Variants in OPA1 observed in about 807,000 individuals in gnomAD.
OPA1 encodes OPA1 mitochondrial dynamin like GTPase.
In OPA1, 59 loss-of-function variants were observed where a neutral mutation model predicts 152.9. That is an observed-to-expected ratio of 0.39 (90% CI 0.31 to 0.48). The LOEUF (loss-of-function observed/expected upper bound fraction) is 0.48. Among genes scored for constraint, OPA1 ranks in the 20% least tolerant of loss-of-function variants. The probability of loss-of-function intolerance (pLI) is 0.96; values close to 1 mark genes in which losing one functional copy is unlikely to be tolerated. For synonymous variants in OPA1, 400 were observed against 389.9 expected, an observed-to-expected ratio of 1.03 and a Z score of -0.31; for missense variants, 1,008 against 1,216.8, an observed-to-expected ratio of 0.83 and a Z score of 2.55.
chr3:193,659,092 A>T, intron 24 of OPA1, 97 bp downstream of exon 24: 2 of 891,378 alleles, frequency 2.2e-6, no homozygotes, highest in Non-Finnish European at 3.7e-6. Context: ...GAACATTTCA[A>T]AGTCTTTGTC....
Position 193,647,824 on chromosome 3 carries a change from A to G in OPA1, c.1871-246A>G, listed in dbSNP as rs183651073. The stretch of plus-strand genomic sequence containing the variant: ...CAGAGTCCATTCTCTCAGCAGCTCT[A>G]TGGTACTAAACTACTTCAGCTGTGT... On this transcript the variant is annotated intron_variant, in intron 19 of 30. Coordinates refer to ENST00000361510, the MANE Select transcript of OPA1 (RefSeq NM_130837.3). Among the ~76,000 whole-genome samples, 343 of 152,278 alleles carry G rather than the reference A, an allele frequency of 2.3e-3. 1 individual carries two copies. The highest frequency in any genetic ancestry group is 7.6e-3 in the African/African-American group (317 of 41,552).
chr3:193,688,048 G>C (rs558039480), intron 29 of OPA1, among the ~76,000 whole-genome samples: 24 of 152,156 alleles, frequency 1.6e-4, no homozygotes, highest in Admixed American at 3.9e-4. Context: ...CTTGCCTCCT[G>C]TTCCCAGGCT....
chr3:193,621,930 A>G (rs1730160940), intron 6 of OPA1, among the ~76,000 whole-genome samples: 1 of 152,186 alleles, frequency 6.6e-6, no homozygotes, highest in African/African-American at 2.4e-5. Context: ...AAGACCACTT[A>G]GTTCATTCCC....
At chr3:193,604,860 CAA>C (rs55904490) in intron 1 of OPA1, among the ~76,000 whole-genome samples, 25,601 of 104,384 alleles carry the variant, frequency 0.25, 2,839 homozygotes, top group Non-Finnish European at 0.31. Flanking sequence ...AACTCCATCT[CAA>C]AAAAAAAAAA....
chr3:193,662,793 AAC>A, intron 25 of OPA1, 27 bp from the exon 26 acceptor site: 3 of 1,604,388 alleles, frequency 1.9e-6, no homozygotes, highest in Middle Eastern at 1.7e-4. Context: ...GAACCATCTA[AAC>A]ACAGTCCTTT....
At chr3:193,650,034 C>T (rs1179808070) in intron 21 of OPA1, among the ~76,000 whole-genome samples, 1 of 152,092 alleles carries the variant, frequency 6.6e-6, no homozygotes, top group African/African-American at 2.4e-5. Flanking sequence ...ACTAATAATG[C>T]TGTTTATGGG....
intron 29 of OPA1, among the ~76,000 whole-genome samples, chr3:193,672,335 AGT>A (rs1718114236): frequency 6.6e-6 from 1 of 152,174 alleles, no homozygotes; most frequent in Non-Finnish European, 1.5e-5. Flanking sequence ...AATTGGTAGT[AGT>A]GTTTGCTGCT....
chr3:193,667,440 ATGG>A, intron 29 of OPA1, 160 bp downstream of exon 29: 1 of 669,262 alleles, frequency 1.5e-6, no homozygotes, highest in Non-Finnish European at 2.8e-6. Flanking sequence ...GGAGGCCAAG[ATGG>A]GTGGAAAACA....
Position 193,667,487 on chromosome 3 carries a change from A to G in OPA1, c.2983+207A>G, listed in dbSNP as rs13070610. 263,697 of 565,146 alleles carry G rather than the reference A, an allele frequency of 0.47. 62,683 individuals carry two copies. The highest frequency in any genetic ancestry group is 0.56 in the African/African-American group (29,848 of 53,134). The allele number at this position is 565,146 out of a possible 1,614,324, so 35.0% of individuals were successfully genotyped here. A position where few individuals can be genotyped will look rare whatever the true frequency, so the allele number is the denominator to read the frequency against. ...AGATCAAGACCATCCTGGCTAACAC[A>G]GTGAAACCCCGTCTCTACTAAAAAT... On this transcript the variant is annotated intron_variant, in intron 29 of 30. Transcript: ENST00000361510.
intron 29 of OPA1, among the ~76,000 whole-genome samples, chr3:193,674,892 T>G (rs1718644725): frequency 6.6e-6 from 1 of 152,140 alleles, no homozygotes; most frequent in African/African-American, 2.4e-5. Context: ...TTAAAACTGT[T>G]TGCGGAGGTG....
intron 16 of OPA1, 28 bp downstream of exon 16, chr3:193,644,133 T>C: frequency 1.9e-6 from 3 of 1,612,180 alleles, no homozygotes; most frequent in Non-Finnish European, 2.5e-6. Context: ...GTTGCGAGAA[T>C]AGATTCTTTG....
chr3:193,647,227 A>G (rs376485291), intron 19 of OPA1, 47 bp downstream of exon 19: 31 of 1,224,102 alleles, frequency 2.5e-5, no homozygotes, highest in Non-Finnish European at 2.7e-5. Flanking sequence ...ACATTTTATT[A>G]GCTGGCAATC....
intron 29 of OPA1, among the ~76,000 whole-genome samples, chr3:193,689,586 T>C (rs1177739816): frequency 1.3e-5 from 2 of 152,192 alleles, no homozygotes; most frequent in African/African-American, 4.8e-5. Flanking sequence ...TGCATCAGGG[T>C]GGCTCTTGGT....
intron 1 of OPA1, among the ~76,000 whole-genome samples, chr3:193,604,472 G>A (rs1177699694): frequency 2.6e-5 from 4 of 152,154 alleles, no homozygotes; most frequent in African/African-American, 9.7e-5. Context: ...GTTGCAGGTC[G>A]AGGAAAACTT....
chr3:193,602,327 G>T (rs555536271), intron 1 of OPA1, among the ~76,000 whole-genome samples: 3 of 152,320 alleles, frequency 2.0e-5, no homozygotes, highest in East Asian at 3.9e-4. Context: ...ATCCAACGAG[G>T]TTCAAGAGTG....
intron 1 of OPA1, among the ~76,000 whole-genome samples, chr3:193,607,479 A>G (rs901059362): frequency 2.6e-5 from 4 of 152,244 alleles, no homozygotes; most frequent in Non-Finnish European, 4.4e-5. Context: ...AGCTTTCTAC[A>G]TATGGCTAGC....
chr3:193,679,689 G>C (rs1450714912), intron 29 of OPA1, among the ~76,000 whole-genome samples: 1 of 152,010 alleles, frequency 6.6e-6, no homozygotes, highest in Non-Finnish European at 1.5e-5. Flanking sequence ...ATATAATTTG[G>C]CTTCTTTTTT....
At chr3:193,689,117 G>A (rs1452207412) in intron 29 of OPA1, 5 of 152,108 alleles carry the variant, frequency 3.3e-5, no homozygotes, top group Non-Finnish European at 5.9e-5. Context: ...CGCCAAATTT[G>A]GAAATACATA....
chr3:193,695,570 T>A lies in OPA1; in HGVS notation c.*970T>A, dbSNP rs1253244837. 2 of 152,160 alleles carry A rather than the reference T, an allele frequency of 1.3e-5. No individual in the cohort carries two copies. Among genetic ancestry groups the A allele is most frequent in the Non-Finnish European group, 2.9e-5 (2 of 68,014 alleles). The allele number at this position is 152,160 out of a possible 1,614,324, so 9.4% of individuals were successfully genotyped here. On this transcript the variant is annotated 3_prime_UTR_variant, in exon 31 of 31. Coordinates refer to ENST00000361510, the MANE Select transcript of OPA1 (RefSeq NM_130837.3). ...CCCCTCTCAGCTGAATAAAGAAAAATTTAGTTCAATTTATTGCAATTTAAT... is the reference window on the plus strand; with the variant it reads ...CCCCTCTCAGCTGAATAAAGAAAAAATTAGTTCAATTTATTGCAATTTAAT...
Sources: allele counts gnomAD v4.1 joint callset (sites outside exome capture counted in the v4.1 genomes callset), GRCh38; gene constraint gnomAD v4.1.1; transcripts MANE v1.5; gene names NCBI Gene and HGNC (gene_info 2026-07-23, HGNC 2026-07-21).